Variants in NECTIN3 observed in about 807,000 individuals in gnomAD.
The protein encoded by NECTIN3 is nectin-3.
NECTIN3 carries 8 observed loss-of-function variants against 49.4 expected under a neutral mutation model. The ratio of observed to expected loss-of-function variants is 0.16; its 90% CI spans 0.10 to 0.29. The LOEUF is 0.29. Among genes scored for constraint, NECTIN3 ranks in the 10% least tolerant of loss-of-function variants. The probability of loss-of-function intolerance (pLI) is 1.00; values close to 1 mark genes in which losing one functional copy is unlikely to be tolerated. For synonymous variants in NECTIN3, 277 were observed against 241.1 expected (o/e 1.15, Z -1.38); for missense variants, 581 against 654.6 (o/e 0.89, Z 1.23).
rs79803919 is a variant in NECTIN3 at position 111,108,461 on chromosome 3, G to T, written c.161-3569G>T. Among the ~76,000 whole-genome samples the T allele has an allele frequency of 4.8e-3, 736 of 152,162 alleles. 12 individuals are homozygous for T. The highest frequency in any genetic ancestry group is 0.016 in the African/African-American group (677 of 41,514). Reference sequence around the variant, plus strand: ...CCTTTTGGTAATGGTGGCCCACTAGGCTGTGGTTTTTCTGGATTGTAAGGA... The same window carrying T: ...CCTTTTGGTAATGGTGGCCCACTAGTCTGTGGTTTTTCTGGATTGTAAGGA... On this transcript the variant is annotated intron_variant, in intron 1 of 5. Transcript: ENST00000485303.
In NECTIN3 at chr3:111,133,782, T is replaced by C. The variant is rs1004158566; in HGVS notation, c.1217T>C (p.Ile406Thr). The C allele has an allele frequency of 6.2e-7, 1 of 1,613,842 alleles. No homozygotes were observed. The highest frequency in any genetic ancestry group is 1.3e-5 in the African/African-American group (1 of 74,916). ...TIKDDTIATI[I>T]ASVVGGALFI... ...AAGGATGACACAATTGCCACGATCATTGCTAGTGTAGTGGGTGGGGCTCTC... is the reference window on the plus strand; with the variant it reads ...AAGGATGACACAATTGCCACGATCACTGCTAGTGTAGTGGGTGGGGCTCTC... The change falls in exon 6 of 6, where the codon ATT becomes ACT. Residue 406 changes from isoleucine (I) to threonine (T), a missense_variant. Physicochemically the swap from Ile to Thr is moderately conservative, Grantham distance 89. Coordinates refer to ENST00000485303, the MANE Select transcript of NECTIN3 (RefSeq NM_015480.3).
chr3:111,095,456 T>G lies in NECTIN3; in HGVS notation c.161-16574T>G, dbSNP rs141486127. Among the ~76,000 whole-genome samples, 866 of 152,328 alleles carry G rather than the reference T, an allele frequency of 5.7e-3. 4 individuals carry two copies. The highest frequency in any genetic ancestry group is 9.7e-3 in the Non-Finnish European group (663 of 68,032). ...TTTCTGGGGTCTACCTTTGATCAGC[T>G]TCTGTTCAGAAGGCAGAAGAAAGAA... On this transcript the variant is annotated intron_variant, in intron 1 of 5. Transcript: ENST00000485303.
rs550913059 is a variant in NECTIN3 at position 111,168,573 on chromosome 3, C to T, written c.1221+21089C>T. Among the ~76,000 whole-genome samples, 11 of 152,194 alleles carry T rather than the reference C, an allele frequency of 7.2e-5. No individual in the cohort carries two copies. The South Asian group carries it at 2.3e-3, about 32-fold the overall frequency. ...AGCACTGCCCTGTCTTAAGCATCTACAAAAGTGTCTGGCAAATGGTTGGTG... is the reference window on the plus strand; with the variant it reads ...AGCACTGCCCTGTCTTAAGCATCTATAAAAGTGTCTGGCAAATGGTTGGTG... On this transcript the variant is annotated intron_variant, in intron 7 of 8. Coordinates refer to the NECTIN3 transcript ENST00000493615.
downstream of NECTIN3, among the ~76,000 whole-genome samples, chr3:111,139,047 T>C (rs2034675410): frequency 6.6e-6 from 1 of 151,662 alleles, no homozygotes. Context: ...ATGTACTAGC[T>C]TCAGTTATCA....
At chr3:111,149,043 G>T (rs1487100155) in intron 7 of NECTIN3, among the ~76,000 whole-genome samples, 1 of 152,006 alleles carries the variant, frequency 6.6e-6, no homozygotes, top group African/African-American at 2.4e-5. Flanking sequence ...TGATAAAGAG[G>T]TAGAGACCCA....
chr3:111,091,039 ATAGATAATTGGTTG>A (rs897077051), intron 1 of NECTIN3, among the ~76,000 whole-genome samples: 4 of 152,124 alleles, frequency 2.6e-5, no homozygotes, highest in Middle Eastern at 3.2e-3. Flanking sequence ...TAAAGTGTGT[ATAGATAATTGGTTG>A]TTAGTATATT....
chr3:111,080,978 A>C (rs1023950184), intron 1 of NECTIN3, among the ~76,000 whole-genome samples: 2 of 152,188 alleles, frequency 1.3e-5, no homozygotes, highest in African/African-American at 4.8e-5. Context: ...GGGTGGTTTT[A>C]AACATATTTA....
At position 111,137,459 on chromosome 3, in the gene NECTIN3, T is replaced by C; in HGVS notation, c.*3244T>C. On this transcript the variant is annotated 3_prime_UTR_variant, in exon 6 of 6. Transcript: ENST00000485303. ...TGGTGTTTTTTGTTTTGTTTTGTTTTGTTTTGTTTTTTCTTTTTTAACCAA... is the reference window on the plus strand; with the variant it reads ...TGGTGTTTTTTGTTTTGTTTTGTTTCGTTTTGTTTTTTCTTTTTTAACCAA... The C allele has an allele frequency of 4.2e-6, 4 of 961,696 alleles. No homozygotes were observed. The highest frequency in any genetic ancestry group is 4.9e-6 in the Non-Finnish European group (4 of 811,040). 59.6% of individuals were successfully genotyped at this position (961,696 alleles called of 1,614,324 possible). A position where few individuals can be genotyped will look rare whatever the true frequency, so the allele number is the denominator to read the frequency against.
At chr3:111,116,474 G>A (rs2107458389) in intron 2 of NECTIN3, among the ~76,000 whole-genome samples, 1 of 152,200 alleles carries the variant, frequency 6.6e-6, no homozygotes, top group African/African-American at 2.4e-5. Flanking sequence ...GAGCTGTGCT[G>A]AAGTATCAAA....
chr3:111,074,911 G>T (rs1042379613), intron 1 of NECTIN3: 2 of 151,748 alleles, frequency 1.3e-5, no homozygotes, highest in African/African-American at 4.8e-5. Context: ...TATTATCATG[G>T]GTATGGTAAT....
intron 7 of NECTIN3, among the ~76,000 whole-genome samples, chr3:111,170,485 T>C (rs1001889481): frequency 4.6e-5 from 7 of 152,292 alleles, no homozygotes; most frequent in African/African-American, 1.7e-4. Context: ...TAAAGCACAG[T>C]GAGGCAAACT....
rs771872333 is a variant in NECTIN3, at chr3:111,183,313, A to AT, written c.1222-9023dup. Among the ~76,000 whole-genome samples the AT allele has an allele frequency of 8.1e-3, 1,107 of 137,134 alleles. 7 individuals carry two copies. The highest frequency in any genetic ancestry group is 0.02 in the African/African-American group (760 of 37,508). The allele number at this position is 137,134 out of a possible 152,430, so 90.0% of individuals were successfully genotyped here. ...AAACAATTTTTTTCTCTATTTCACT[A>AT]TTTTTTTTTTTTTTTGAAACAAAGT... On this transcript the variant is annotated intron_variant, in intron 7 of 8. Transcript: ENST00000493615.
At chr3:111,124,700 A>C (rs1340961575) in intron 4 of NECTIN3, among the ~76,000 whole-genome samples, 1 of 152,148 alleles carries the variant, frequency 6.6e-6, no homozygotes, top group African/African-American at 2.4e-5. Context: ...TTTACCACTC[A>C]CTACACTTGA....
downstream of NECTIN3, among the ~76,000 whole-genome samples, chr3:111,140,408 T>C (rs878859849): frequency 6.6e-6 from 1 of 151,818 alleles, no homozygotes; most frequent in Admixed American, 6.6e-5. Flanking sequence ...CATGCAAATT[T>C]TACTTCATAC....
intron 1 of NECTIN3, among the ~76,000 whole-genome samples, chr3:111,089,024 G>A (rs182968989): frequency 2.6e-5 from 4 of 152,012 alleles, no homozygotes; most frequent in East Asian, 1.9e-4. Context: ...TGTCATTTTG[G>A]CACTTAGCAT....
chr3:111,090,494 G>A (rs1349793684), intron 1 of NECTIN3, among the ~76,000 whole-genome samples: 1 of 151,554 alleles, frequency 6.6e-6, no homozygotes, highest in Admixed American at 6.6e-5. Context: ...TACTTCCCAG[G>A]CAATACAGGA....
chr3:111,149,265 A>G (rs1264424280), intron 7 of NECTIN3, among the ~76,000 whole-genome samples: 1 of 152,116 alleles, frequency 6.6e-6, no homozygotes, highest in Non-Finnish European at 1.5e-5. Context: ...TTTGATATTC[A>G]GTAAATTCCC....
chr3:111,089,631 A>G (rs2032142150), intron 1 of NECTIN3, among the ~76,000 whole-genome samples: 1 of 152,094 alleles, frequency 6.6e-6, no homozygotes. Context: ...TTGTTTTAAC[A>G]TTGTGTCAAG....
At chr3:111,081,926 C>T (rs1298846001) in intron 1 of NECTIN3, among the ~76,000 whole-genome samples, 1 of 152,132 alleles carries the variant, frequency 6.6e-6, no homozygotes, top group African/African-American at 2.4e-5. Context: ...ACTGTGGAGT[C>T]CATCCATGAC....
Sources: allele counts gnomAD v4.1 joint callset (sites outside exome capture counted in the v4.1 genomes callset), GRCh38; gene constraint gnomAD v4.1.1; transcripts MANE v1.5; gene names NCBI Gene and HGNC (gene_info 2026-07-23, HGNC 2026-07-21).